CAMTA1: variants seen among roughly 807,000 people sequenced by gnomAD.
CAMTA1 encodes calmodulin-binding transcription activator 1.
Under a neutral mutation model 170.9 loss-of-function variants are expected in CAMTA1, and 27 were observed. That is an observed-to-expected ratio of 0.16 (90% CI 0.12 to 0.22). CAMTA1 has a LOEUF of 0.22. CAMTA1 is among the 10% of genes least tolerant of loss of function. The probability of loss-of-function intolerance (pLI) is 1.00; values close to 1 mark genes in which losing one functional copy is unlikely to be tolerated. For missense variants in CAMTA1, 1,619 were observed against 2,217.2 expected, an observed-to-expected ratio of 0.73 and a Z score of 5.42; for synonymous variants, 833 against 891.5, an observed-to-expected ratio of 0.93 and a Z score of 1.17.
chr1:7,766,833 G>A lies in CAMTA1; in HGVS notation c.*342G>A. Reference sequence around the variant, plus strand: ...AAGAAGCCATTTCCTTCTCATATAGGGCTGTATTCAAACATCGTGTGGAAC... The same window carrying A: ...AAGAAGCCATTTCCTTCTCATATAGAGCTGTATTCAAACATCGTGTGGAAC... On this transcript the variant is annotated 3_prime_UTR_variant, in exon 23 of 23. Coordinates refer to ENST00000303635, the MANE Select transcript of CAMTA1 (RefSeq NM_015215.4). The A allele has an allele frequency of 1.1e-5, 3 of 278,546 alleles. No homozygotes were observed. The highest frequency in any genetic ancestry group is 2.1e-5 in the Non-Finnish European group (3 of 145,390). 17.3% of individuals were successfully genotyped at this position (278,546 alleles called of 1,614,324 possible).
Position 7,421,961 on chromosome 1 carries a change from C to T in CAMTA1, c.439-45869C>T, listed in dbSNP as rs781250878. 3.5e-4 allele frequency among the ~76,000 whole-genome samples: 47 copies of T among 135,592 alleles called. No individual in the cohort carries two copies. The Middle Eastern group carries it at 0.025, about 73-fold the overall frequency. The allele number at this position is 135,592 out of a possible 152,430, so 89.0% of individuals were successfully genotyped here. A position where few individuals can be genotyped will look rare whatever the true frequency, so the allele number is the denominator to read the frequency against. ...TGCATCTGCAGGTGCCCTCTCGGTG[C>T]GCCGTGGCTGGGGGAGTGGAGGAGG... is the stretch of plus-strand genomic sequence containing the variant. On this transcript the variant is annotated intron_variant, in intron 5 of 22. Transcript: ENST00000303635.
intron 6 of CAMTA1, among the ~76,000 whole-genome samples, chr1:7,628,823 G>A (rs943428786): frequency 3.9e-5 from 6 of 152,248 alleles, no homozygotes; most frequent in Admixed American, 3.9e-4. Flanking sequence ...GCCAGTCTAG[G>A]CTGCAGGCAA....
At chr1:7,118,791 T>C (rs1644484239) in intron 4 of CAMTA1, among the ~76,000 whole-genome samples, 3 of 152,264 alleles carry the variant, frequency 2.0e-5, no homozygotes, top group Non-Finnish European at 1.5e-5. Context: ...GAACCATTTG[T>C]GTGTCAGGGA....
In CAMTA1 at chr1:7,738,508, C is replaced by T. The variant is rs200773862; in HGVS notation, c.4182+26C>T. The T allele has an allele frequency of 7.9e-5, 126 of 1,601,636 alleles. No individual in the cohort carries two copies. The East Asian group carries it at 2.3e-3, about 30-fold the overall frequency. On this transcript the variant is annotated intron_variant, in intron 16 of 22. Coordinates refer to ENST00000303635, the MANE Select transcript of CAMTA1 (RefSeq NM_015215.4). This position sits in a 1 kb window ranked among gnomAD's most constrained non-coding sequence, Gnocchi z 4.9. ...GTAAAAAGCAGGGACAGGGTAAGCC[C>T]GCAGAGGCTGGTGCGTTCCAGTTGC...
At chr1:6,985,018 T>C (rs1695121744) in intron 3 of CAMTA1, among the ~76,000 whole-genome samples, 1 of 152,228 alleles carries the variant, frequency 6.6e-6, no homozygotes, top group African/African-American at 2.4e-5. Flanking sequence ...ACTTCCAGTT[T>C]TGGCTGAAGT....
chr1:6,958,383 C>G (rs566111313), intron 3 of CAMTA1, among the ~76,000 whole-genome samples: 17 of 152,320 alleles, frequency 1.1e-4, no homozygotes, highest in African/African-American at 2.9e-4. Context: ...TCCGCAGCCC[C>G]GGACCCCCTG....
At chr1:7,628,514 C>G (rs1207003421) in intron 6 of CAMTA1, among the ~76,000 whole-genome samples, 1 of 152,246 alleles carries the variant, frequency 6.6e-6, no homozygotes, top group Non-Finnish European at 1.5e-5. Flanking sequence ...TGGCCGTGAG[C>G]AGATCATGTA....
At chr1:7,543,516 T>A (rs2094643942) in intron 6 of CAMTA1, among the ~76,000 whole-genome samples, 1 of 152,222 alleles carries the variant, frequency 6.6e-6, no homozygotes, top group South Asian at 2.1e-4. Flanking sequence ...TAGCATTCTG[T>A]GTTTAGTAGT....
chr1:7,020,231 T>G (rs1701150326), intron 3 of CAMTA1, among the ~76,000 whole-genome samples: 1 of 152,264 alleles, frequency 6.6e-6, no homozygotes, highest in Non-Finnish European at 1.5e-5. Context: ...GGTCAACAAC[T>G]GATTGCATAT....
chr1:7,134,895 A>T (rs1260032269), intron 4 of CAMTA1, among the ~76,000 whole-genome samples: 1 of 152,110 alleles, frequency 6.6e-6, no homozygotes, highest in Non-Finnish European at 1.5e-5. Flanking sequence ...TCCATAATGA[A>T]CTTCAACAGA....
Position 7,665,867 on chromosome 1 carries a change from A to G in CAMTA1, c.2652+668A>G, listed in dbSNP as rs566283702. On this transcript the variant is annotated intron_variant, in intron 9 of 22. Transcript: ENST00000303635. This position sits in a 1 kb window ranked among gnomAD's most constrained non-coding sequence, Gnocchi z 4.3. Reference sequence around the variant, plus strand: ...AAAGGGGTCCCAGGGTTGCTTAAAAAAATTCAAAAGTCACCATTGGCCGGG... The same window carrying G: ...AAAGGGGTCCCAGGGTTGCTTAAAAGAATTCAAAAGTCACCATTGGCCGGG... 6.6e-6 allele frequency among the ~76,000 whole-genome samples: 1 copy of G among 152,010 alleles called. No individual in the cohort carries two copies. The highest frequency in any genetic ancestry group is 1.5e-5 in the Non-Finnish European group (1 of 67,980).
chr1:7,493,482 C>CAT (rs1372172751), intron 6 of CAMTA1, among the ~76,000 whole-genome samples: 39 of 152,018 alleles, frequency 2.6e-4, no homozygotes, highest in Admixed American at 4.6e-4. Context: ...TATAAACAGG[C>CAT]GTGCACACAC....
chr1:6,892,705 G>A (rs1196634449), intron 3 of CAMTA1, among the ~76,000 whole-genome samples: 1 of 149,400 alleles, frequency 6.7e-6, no homozygotes, highest in Non-Finnish European at 1.5e-5. Flanking sequence ...TGCCTCGGTT[G>A]GTTGGTTTCA....
At chr1:7,161,368 G>T (rs1647203258) in intron 4 of CAMTA1, among the ~76,000 whole-genome samples, 1 of 152,122 alleles carries the variant, frequency 6.6e-6, no homozygotes, top group Admixed American at 6.5e-5. Flanking sequence ...TCTGTGATCT[G>T]TTTCCTTCAC....
chr1:7,210,212 G>A (rs767541721), intron 4 of CAMTA1, among the ~76,000 whole-genome samples: 21 of 152,150 alleles, frequency 1.4e-4, no homozygotes, highest in South Asian at 2.1e-4. Flanking sequence ...AGAATCTCAC[G>A]TTATGTTTAG....
intron 4 of CAMTA1, among the ~76,000 whole-genome samples, chr1:7,156,867 C>T (rs1416008743): frequency 6.6e-6 from 1 of 152,152 alleles, no homozygotes; most frequent in Non-Finnish European, 1.5e-5. Context: ...CTACCACCGC[C>T]ATACTCACCC....
chr1:7,572,444 C>T (rs2095136222), intron 6 of CAMTA1, among the ~76,000 whole-genome samples: 1 of 152,108 alleles, frequency 6.6e-6, no homozygotes, highest in African/African-American at 2.4e-5. Context: ...TATTTTCTAG[C>T]TTATCTTCCA....
intron 1 of CAMTA1, among the ~76,000 whole-genome samples, chr1:6,803,338 G>C (rs1172243910): frequency 6.6e-6 from 1 of 152,216 alleles, no homozygotes; most frequent in Non-Finnish European, 1.5e-5. Context: ...ACAGAAAACA[G>C]CCTCTCTTTA....
chr1:7,478,652 G>A (rs985092577), intron 6 of CAMTA1, among the ~76,000 whole-genome samples: 1 of 152,204 alleles, frequency 6.6e-6, no homozygotes, highest in Non-Finnish European at 1.5e-5. Flanking sequence ...CTGTCAGCTT[G>A]GCTAAACAAT....
Sources: allele counts gnomAD v4.1 joint callset (sites outside exome capture counted in the v4.1 genomes callset), GRCh38; gene constraint gnomAD v4.1.1; non-coding constraint Gnocchi (gnomAD v3.1); transcripts MANE v1.5; gene names NCBI Gene and HGNC (gene_info 2026-07-23, HGNC 2026-07-21).